Variants in DLAT observed in about 807,000 individuals in gnomAD.
The protein encoded by DLAT is dihydrolipoyllysine-residue acetyltransferase component of pyruvate dehydrogenase complex, mitochondrial.
A neutral mutation model predicts 68.0 loss-of-function variants in DLAT; 43 were observed. That is an observed-to-expected ratio of 0.63 (90% CI 0.50 to 0.81). DLAT has a LOEUF of 0.81. Among genes scored for constraint, DLAT ranks in the 40% least tolerant of loss-of-function variants. The probability of loss-of-function intolerance (pLI) is 0.00; values close to 1 mark genes in which losing one functional copy is unlikely to be tolerated. For synonymous variants in DLAT, 265 were observed against 288.6 expected (o/e 0.92, Z 0.83); for missense variants, 745 against 815.4 (o/e 0.91, Z 1.05).
At position 112,025,679 on chromosome 11, in the gene DLAT, G is replaced by C. The variant is rs1198006101; in HGVS notation, c.207G>C (p.Pro69=). 6.2e-7 allele frequency: 1 copy of C among 1,613,082 alleles called. No homozygotes were observed. Among genetic ancestry groups the C allele is most frequent in the Non-Finnish European group, 8.5e-7 (1 of 1,179,984 alleles). ...CGWTPSSGAT[P]RNRLLLQLLG... is the part of the protein sequence containing the mutation. ...GGACCCCCAGTTCTGGGGCCACGCCGCGGAACCGCTTACTGCTGCAGCTTT... is the reference window on the plus strand; with the variant it reads ...GGACCCCCAGTTCTGGGGCCACGCCCCGGAACCGCTTACTGCTGCAGCTTT... Residue 69 remains proline, a synonymous_variant, in exon 1 of 14, where the codon CCG becomes CCC. Coordinates refer to ENST00000280346, the MANE Select transcript of DLAT (RefSeq NM_001931.5).
At chr11:112,059,444 G>A (rs1864395701) in intron 11 of DLAT, among the ~76,000 whole-genome samples, 1 of 151,652 alleles carries the variant, frequency 6.6e-6, no homozygotes, top group Admixed American at 6.6e-5. Flanking sequence ...CCAGGCTGGA[G>A]TGCAGTGGTG....
In DLAT at chr11:112,064,194, T is replaced by G; in HGVS notation, c.*1659T>G. On this transcript the variant is annotated 3_prime_UTR_variant, in exon 14 of 14. Coordinates refer to ENST00000280346, the MANE Select transcript of DLAT (RefSeq NM_001931.5). ...CAAAACTTCAAAGATAATTCATCTTTCGCTAATGCTTGTGGTTCTGTTGTT... is the reference window on the plus strand; with the variant it reads ...CAAAACTTCAAAGATAATTCATCTTGCGCTAATGCTTGTGGTTCTGTTGTT... The G allele has an allele frequency of 6.4e-7, 1 of 1,571,930 alleles. No homozygotes were observed. Among genetic ancestry groups the G allele is most frequent in the Non-Finnish European group, 8.6e-7 (1 of 1,158,966 alleles).
At chr11:112,050,200 G>T (rs1294087389) in intron 10 of DLAT, among the ~76,000 whole-genome samples, 1 of 152,050 alleles carries the variant, frequency 6.6e-6, no homozygotes, top group Non-Finnish European at 1.5e-5. Flanking sequence ...ATGGAAATTT[G>T]CATTCTTGGG....
chr11:112,046,004 A>G lies in DLAT; in HGVS notation c.1398+34A>G, dbSNP rs149866743. 4 of 1,365,464 alleles carry G rather than the reference A, an allele frequency of 2.9e-6. No individual in the cohort carries two copies. The East Asian group carries it at 9.4e-5, about 32-fold the overall frequency. 84.6% of individuals were successfully genotyped at this position (1,365,464 alleles called of 1,614,324 possible). A position where few individuals can be genotyped will look rare whatever the true frequency, so the allele number is the denominator to read the frequency against. ...TCTGAAAATTCCAACTTTCTAAGTT[A>G]TAAAAATTTTGTCTTTCCCCACCAA... On this transcript the variant is annotated intron_variant, in intron 10 of 13. Transcript: ENST00000280346.
At chr11:112,026,953 C>A (rs1280603137) in intron 2 of DLAT, among the ~76,000 whole-genome samples, 13 of 150,374 alleles carry the variant, frequency 8.6e-5, no homozygotes, top group African/African-American at 1.9e-4. Flanking sequence ...CTGACCCCCC[C>A]ACTTCCCTCC....
At chr11:112,059,756 T>C (rs1555182977) in intron 11 of DLAT, 147 bp from the exon 12 acceptor site, 2 of 628,082 alleles carry the variant, frequency 3.2e-6, no homozygotes, top group East Asian at 2.9e-5. Flanking sequence ...AAAATTAGGA[T>C]AGACATCTTA....
At chr11:112,052,806 C>G (rs1592708075) in intron 11 of DLAT, among the ~76,000 whole-genome samples, 2 of 152,226 alleles carry the variant, frequency 1.3e-5, no homozygotes, top group Admixed American at 6.5e-5. Context: ...AGTTCCAACT[C>G]TCTAATCCTC....
chr11:112,061,124 G>C lies in DLAT; in HGVS notation c.1764G>C (p.Leu588Phe), dbSNP rs1864592332. The change falls in exon 13 of 14, where the codon TTG (leucine) becomes TTC (phenylalanine). Residue 588 changes from leucine (L) to phenylalanine (F), a missense_variant. Transcript: ENST00000280346. ...AIINPPQACI[L>F]AIGASEDKLV... ...TTAACCCACCTCAAGCATGTATTTT[G>C]GCAATTGGTGCTTCAGAGGATAAAC... 6.2e-7 allele frequency: 1 copy of C among 1,613,992 alleles called. No homozygotes were observed. The highest frequency in any genetic ancestry group is 8.5e-7 in the Non-Finnish European group (1 of 1,179,984).
Position 112,043,478 on chromosome 11 carries a change from A to C in DLAT, c.1142A>C (p.Asp381Ala). Residue 381 changes from aspartate (D) to alanine (A), a missense_variant, in exon 8 of 14, where the codon GAT (aspartate) becomes GCT (alanine). Asp to Ala is a moderately radical substitution (Grantham distance 126). Transcript: ENST00000280346. ...ATGTCTCTTACAGGGACAGGACCAG[A>C]TGGTAGAATCACCAAGAAGGATATC... ...DLTQVKGTGP[D>A]GRITKKDIDS... 6.2e-7 allele frequency: 1 copy of C among 1,614,144 alleles called. No individual in the cohort carries two copies. Among genetic ancestry groups the C allele is most frequent in the Non-Finnish European group, 8.5e-7 (1 of 1,179,976 alleles).
intron 7 of DLAT, 115 bp downstream of exon 7, chr11:112,039,512 C>A (rs1555180857): frequency 1.8e-6 from 2 of 1,088,898 alleles, no homozygotes; most frequent in Admixed American, 1.9e-5. Flanking sequence ...ATAGTAGGGA[C>A]AATCATTAAT....
At chr11:112,035,343 A>G (rs1862644754) in intron 5 of DLAT, among the ~76,000 whole-genome samples, 1 of 152,204 alleles carries the variant, frequency 6.6e-6, no homozygotes, top group Non-Finnish European at 1.5e-5. Context: ...TGTTTCTTAA[A>G]AACACAGAAA....
Position 112,025,577 on chromosome 11 carries a change from C to G in DLAT, c.105C>G (p.Thr35=), listed in dbSNP as rs782238322. The change falls in exon 1 of 14, where the codon ACC becomes ACG. Residue 35 remains threonine (T), a synonymous_variant. Coordinates refer to ENST00000280346, the MANE Select transcript of DLAT (RefSeq NM_001931.5). ...AGGTACCCGGAACTCCACGAGTGACCTCGCGATCTGGCCCGGCTCCCGCTC... is the reference window on the plus strand; with the variant it reads ...AGGTACCCGGAACTCCACGAGTGACGTCGCGATCTGGCCCGGCTCCCGCTC... The part of the protein sequence containing the change: ...LQEVPGTPRV[T]SRSGPAPARR... The G allele has an allele frequency of 6.2e-7, 1 of 1,613,902 alleles. No homozygotes were observed. Among genetic ancestry groups the G allele is most frequent in the Non-Finnish European group, 8.5e-7 (1 of 1,179,994 alleles).
At chr11:112,061,787 G>A (rs1864646106) in intron 13 of DLAT, among the ~76,000 whole-genome samples, 1 of 152,092 alleles carries the variant, frequency 6.6e-6, no homozygotes, top group Admixed American at 6.5e-5. Context: ...GTTTCACCAT[G>A]TAGGCCAGGC....
At chr11:112,030,169 T>G (rs1363208907) in intron 4 of DLAT, 11 of 639,532 alleles carry the variant, frequency 1.7e-5, no homozygotes, top group African/African-American at 1.6e-4. Context: ...TTTATGACCC[T>G]GTGGAAAGTG....
chr11:112,033,220 C>T (rs928136608), intron 4 of DLAT, among the ~76,000 whole-genome samples, 184 bp from the exon 5 acceptor site: 1 of 151,928 alleles, frequency 6.6e-6, no homozygotes, highest in Admixed American at 6.6e-5. Flanking sequence ...GAGTATGGGT[C>T]AGAGTATGAG....
intron 13 of DLAT, among the ~76,000 whole-genome samples, chr11:112,061,730 A>G (rs782160153): frequency 3.3e-5 from 5 of 152,096 alleles, no homozygotes; most frequent in African/African-American, 7.2e-5. Flanking sequence ...GATTACAGGC[A>G]TGTACTACCA....
intron 2 of DLAT, among the ~76,000 whole-genome samples, chr11:112,026,718 C>G (rs1487463251): frequency 1.3e-5 from 2 of 152,240 alleles, no homozygotes; most frequent in African/African-American, 4.8e-5. Flanking sequence ...CTACCTCTTT[C>G]TACACAGACA....
At chr11:112,044,297 C>T (rs1455159922) in intron 8 of DLAT, among the ~76,000 whole-genome samples, 1 of 152,064 alleles carries the variant, frequency 6.6e-6, no homozygotes, top group Non-Finnish European at 1.5e-5. Context: ...TGGATTCAGG[C>T]GATTCTCATG....
intron 12 of DLAT, among the ~76,000 whole-genome samples, chr11:112,060,459 G>GT (rs587665898): frequency 2.0e-3 from 298 of 151,244 alleles, no homozygotes; most frequent in Non-Finnish European, 2.6e-3. Context: ...CACGCCCAGC[G>GT]TAATTCTTTT....
Sources: gnomAD v4.1 joint callset for allele counts (sites outside exome capture counted in the v4.1 genomes callset) on GRCh38, gnomAD v4.1.1 for gene constraint, MANE v1.5 for transcripts, NCBI Gene and HGNC (gene_info 2026-07-23, HGNC 2026-07-21) for gene names.